Variants in CMSS1 observed in about 807,000 individuals in gnomAD.
The protein encoded by CMSS1 is cms1 ribosomal small subunit homolog, also known as protein CMSS1.
CMSS1 carries 33 observed loss-of-function variants against 43.5 expected under a neutral mutation model. The ratio of observed to expected loss-of-function variants is 0.76; its 90% confidence interval spans 0.57 to 1.01. The LOEUF is 1.01. Ranked by LOEUF, CMSS1 falls within the 50% of genes least tolerant of loss-of-function variation. The probability of loss-of-function intolerance (pLI) is 0.00; values close to 1 mark genes in which losing one functional copy is unlikely to be tolerated. For missense variants in CMSS1, 313 were observed against 326.4 expected, an observed-to-expected ratio of 0.96 and a Z score of 0.32; for synonymous variants, 115 against 117.2, an observed-to-expected ratio of 0.98 and a Z score of 0.12.
intron 1 of CMSS1, among the ~76,000 whole-genome samples, chr3:99,881,103 T>C (rs566659809): frequency 9.2e-5 from 14 of 152,266 alleles, no homozygotes; most frequent in African/African-American, 3.1e-4. Context: ...TAATAAGGAA[T>C]CATCTGTTGG....
rs144010618 is a variant in CMSS1 at position 100,015,963 on chromosome 3, G to A, written c.65-131010G>A. ...AATCAAATTCACAAAAAGACAGATTGCCTTTTTAATTTTTTTATTTTCTAA... is the reference window on the plus strand; with the variant it reads ...AATCAAATTCACAAAAAGACAGATTACCTTTTTAATTTTTTTATTTTCTAA... On this transcript the variant is annotated intron_variant, in intron 1 of 9. Transcript: ENST00000421999. Among the ~76,000 whole-genome samples the A allele has an allele frequency of 4.6e-3, 703 of 152,214 alleles. 2 individuals are homozygous for A. Among genetic ancestry groups the A allele is most frequent in the South Asian group, 6.8e-3 (33 of 4,822 alleles).
rs2065735701 is a variant in CMSS1, at chr3:100,070,069, C to T, written c.65-76904C>T. The stretch of plus-strand genomic sequence containing the variant: ...AACAGTATTTGATTAAGGATGTACA[C>T]ATGGCACTGTCATAAGGTATGCAGA... On this transcript the variant is annotated intron_variant, in intron 1 of 9. Coordinates refer to ENST00000421999, the MANE Select transcript of CMSS1 (RefSeq NM_032359.4). Among the ~76,000 whole-genome samples, 3 of 152,294 alleles carry T rather than the reference C, an allele frequency of 2.0e-5. No individual in the cohort carries two copies. The South Asian group carries it at 6.2e-4, about 32-fold the overall frequency.
intron 1 of CMSS1, among the ~76,000 whole-genome samples, chr3:100,041,718 T>C (rs1189239458): frequency 6.6e-6 from 1 of 152,150 alleles, no homozygotes; most frequent in African/African-American, 2.4e-5. Flanking sequence ...TGGCTATGAG[T>C]GAAATGGAGG....
intron 1 of CMSS1, among the ~76,000 whole-genome samples, chr3:99,867,553 T>C (rs1022567613): frequency 2.0e-5 from 3 of 152,138 alleles, no homozygotes; most frequent in Non-Finnish European, 2.9e-5. Context: ...GGACAGGAAA[T>C]GTTGGACCAA....
intron 1 of CMSS1, among the ~76,000 whole-genome samples, chr3:100,043,401 G>C (rs1247622765): frequency 6.6e-6 from 1 of 151,962 alleles, no homozygotes; most frequent in East Asian, 1.9e-4. Context: ...TCATTTTCTT[G>C]AGGCTTATAG....
intron 1 of CMSS1, chr3:99,929,955 A>G: frequency 6.2e-7 from 1 of 1,614,140 alleles, no homozygotes; most frequent in East Asian, 2.2e-5. Context: ...TTGGAGTGAC[A>G]AACCCATACT....
chr3:99,885,805 G>A (rs1179003119), intron 1 of CMSS1, among the ~76,000 whole-genome samples: 2 of 152,118 alleles, frequency 1.3e-5, no homozygotes, highest in South Asian at 4.1e-4. Flanking sequence ...GAGACTTGAA[G>A]GCTTTTGTGT....
At chr3:99,944,534 G>A (rs1346115002) in intron 1 of CMSS1, among the ~76,000 whole-genome samples, 1 of 152,206 alleles carries the variant, frequency 6.6e-6, no homozygotes, top group Non-Finnish European at 1.5e-5. Flanking sequence ...TAAATCGTTA[G>A]GCACTGAAAA....
chr3:100,178,067 C>T (rs1488287773), intron 9 of CMSS1, among the ~76,000 whole-genome samples: 1 of 152,094 alleles, frequency 6.6e-6, no homozygotes, highest in Non-Finnish European at 1.5e-5. Flanking sequence ...AGCAGTTAGC[C>T]GAGATCACGC....
At chr3:100,023,359 T>C (rs920145460) in intron 1 of CMSS1, 2 of 152,546 alleles carry the variant, frequency 1.3e-5, no homozygotes, top group African/African-American at 4.8e-5. Flanking sequence ...AAGTCAAACA[T>C]GGATGGCAGC....
At chr3:100,084,611 G>C (rs913655205) in intron 1 of CMSS1, among the ~76,000 whole-genome samples, 3 of 152,188 alleles carry the variant, frequency 2.0e-5, no homozygotes, top group African/African-American at 7.2e-5. Flanking sequence ...AAGAGGAACT[G>C]ATGTGGTTTT....
chr3:100,009,878 G>A (rs1479720253), intron 1 of CMSS1, among the ~76,000 whole-genome samples: 1 of 152,202 alleles, frequency 6.6e-6, no homozygotes, highest in Non-Finnish European at 1.5e-5. Flanking sequence ...AAATATGTAT[G>A]AGAGCCAAGT....
At chr3:100,079,547 G>C (rs1235913081) in intron 1 of CMSS1, among the ~76,000 whole-genome samples, 1 of 152,104 alleles carries the variant, frequency 6.6e-6, no homozygotes, top group African/African-American at 2.4e-5. Context: ...CAAAAAAGTA[G>C]ATTTTTTATT....
At position 99,918,230 on chromosome 3, in the gene CMSS1, C is replaced by T. The variant is rs138857964; in HGVS notation, c.64+100187C>T. Among the ~76,000 whole-genome samples the T allele has an allele frequency of 4.6e-3, 695 of 152,246 alleles. 2 individuals carry two copies. The highest frequency in any genetic ancestry group is 7.1e-3 in the South Asian group (34 of 4,820). ...TGACCTCATTATCTCCCTGCCTTGG[C>T]TTCCCAAAGTGCTAGGATTACAGGT... On this transcript the variant is annotated intron_variant, in intron 1 of 9. Transcript: ENST00000421999.
At chr3:100,010,505 A>G (rs750242292) in intron 1 of CMSS1, among the ~76,000 whole-genome samples, 4 of 152,112 alleles carry the variant, frequency 2.6e-5, no homozygotes, top group Admixed American at 6.6e-5. Context: ...AGAGAATCCA[A>G]CTAAGAGCAG....
At chr3:100,122,217 A>G (rs770427054) in intron 1 of CMSS1, among the ~76,000 whole-genome samples, 4 of 152,218 alleles carry the variant, frequency 2.6e-5, no homozygotes, top group Non-Finnish European at 5.9e-5. Flanking sequence ...AAGTACCCAG[A>G]ACCCACTGCA....
At chr3:100,175,118 T>G (rs1166278100) in intron 8 of CMSS1, among the ~76,000 whole-genome samples, 2 of 152,206 alleles carry the variant, frequency 1.3e-5, no homozygotes, top group Non-Finnish European at 2.9e-5. Flanking sequence ...ATTGTAAATT[T>G]ATTTTTTTGC....
At chr3:100,087,375 G>A (rs573578594) in intron 1 of CMSS1, among the ~76,000 whole-genome samples, 1 of 152,294 alleles carries the variant, frequency 6.6e-6, no homozygotes, top group East Asian at 1.9e-4. Context: ...TTGTCAGTGG[G>A]TTAGTTTGGT....
Position 99,818,053 on chromosome 3 carries a change from C to G in CMSS1, c.64+10C>G. On this transcript the variant is annotated intron_variant, in intron 1 of 9. Transcript: ENST00000421999. The stretch of plus-strand genomic sequence containing the variant: ...GCAGGCAGCAGCCCAGGTACCCACT[C>G]TGTGCCCGCGCTCCTACGGGGCCTC... 6.2e-7 allele frequency: 1 copy of G among 1,613,000 alleles called. No individual in the cohort carries two copies. The highest frequency in any genetic ancestry group is 8.5e-7 in the Non-Finnish European group (1 of 1,179,588).
Sources: allele counts gnomAD v4.1 joint callset (sites outside exome capture counted in the v4.1 genomes callset), GRCh38; gene constraint gnomAD v4.1.1; transcripts MANE v1.5; gene names NCBI Gene and HGNC (gene_info 2026-07-23, HGNC 2026-07-21).